ITM2C: variants seen among roughly 807,000 people sequenced by gnomAD.
The protein encoded by ITM2C is BRICHOS domain containing 2C.
ITM2C carries 20 observed loss-of-function variants against 30.0 expected under a neutral mutation model. The ratio of observed to expected loss-of-function variants is 0.67; its 90% CI spans 0.47 to 0.97. ITM2C has a LOEUF of 0.97. Ranked by LOEUF, ITM2C falls within the 50% of genes least tolerant of loss-of-function variation. The pLI, the probability that ITM2C is intolerant of heterozygous loss-of-function variation, is 0.00. For missense variants in ITM2C, 366 were observed against 371.9 expected (o/e 0.98, Z 0.13); for synonymous variants, 167 against 156.4 (o/e 1.07, Z -0.51).
rs760132646 is a variant in ITM2C, at chr2:230,875,627, G to A, written c.269G>A (p.Arg90Gln). ...YRYFFLAQLA[R>Q]DNFFRCGVLY... is the part of the protein sequence containing the mutation. ...TCTCTCCGCCTTGCTCAGCTGGCCCGAGATAACTTCTTCCGCTGTGGTGTG... is the reference window on the plus strand; with the variant it reads ...TCTCTCCGCCTTGCTCAGCTGGCCCAAGATAACTTCTTCCGCTGTGGTGTG... The change falls in exon 3 of 6, where the codon CGA becomes CAA. Residue 90 changes from arginine (R) to glutamine (Q), a missense_variant. Coordinates refer to ENST00000326427, the MANE Select transcript of ITM2C (RefSeq NM_030926.6). 65 of 1,602,030 alleles carry A rather than the reference G, an allele frequency of 4.1e-5. No individual in the cohort carries two copies. Among genetic ancestry groups the A allele is most frequent in the Non-Finnish European group, 4.9e-5 (58 of 1,173,440 alleles).
At chr2:230,864,846 G>T (rs1047765115), upstream of ITM2C, 1 of 705,200 alleles carries the variant, frequency 1.4e-6, no homozygotes. The surrounding 1 kb of genome is among the most constrained non-coding windows in gnomAD (Gnocchi z 4.3). Context: ...GGGGGCGCAG[G>T]CGCGGCGGGC....
At chr2:230,870,343 G>T (rs1237197015) in intron 1 of ITM2C, among the ~76,000 whole-genome samples, 1 of 152,244 alleles carries the variant, frequency 6.6e-6, no homozygotes, top group Non-Finnish European at 1.5e-5. Context: ...AGGGACATCT[G>T]CGCTTTCCTG....
At position 230,865,972 on chromosome 2, in the gene ITM2C, A is replaced by T. The variant is rs1016686539; in HGVS notation, c.120+827A>T. Among the ~76,000 whole-genome samples the T allele has an allele frequency of 7.8e-6, 1 of 128,588 alleles. No individual in the cohort carries two copies. Among genetic ancestry groups the T allele is most frequent in the African/African-American group, 3.5e-5 (1 of 28,412 alleles). The allele number at this position is 128,588 out of a possible 152,430, so 84.4% of individuals were successfully genotyped here. On this transcript the variant is annotated intron_variant, in intron 1 of 5. Transcript: ENST00000326427. The surrounding 1 kb of genome is among the most constrained non-coding windows in gnomAD (Gnocchi z 6.8). ...CTGTGCGCGTTCCCCCACCCCTGTCATCCCCCTCCCCTACCCCGGCTTCCT... is the reference window on the plus strand; with the variant it reads ...CTGTGCGCGTTCCCCCACCCCTGTCTTCCCCCTCCCCTACCCCGGCTTCCT...
chr2:230,873,310 C>A lies in ITM2C; in HGVS notation c.121-107C>A, dbSNP rs537331821. ...TGTCATCTCCTTCCCTCCCTTTCCC[C>A]CAAGACTCCCTCCGGGCCCAGCCAG... On this transcript the variant is annotated intron_variant, in intron 1 of 5. Coordinates refer to ENST00000326427, the MANE Select transcript of ITM2C (RefSeq NM_030926.6). 19 of 1,184,550 alleles carry A rather than the reference C, an allele frequency of 1.6e-5. 1 individual carries two copies. Among genetic ancestry groups the A allele is most frequent in the African/African-American group, 1.5e-4 (10 of 64,696 alleles). The allele number at this position is 1,184,550 out of a possible 1,614,324, so 73.4% of individuals were successfully genotyped here.
chr2:230,868,080 G>A (rs1281253330), intron 1 of ITM2C, among the ~76,000 whole-genome samples: 4 of 152,082 alleles, frequency 2.6e-5, no homozygotes, highest in Non-Finnish European at 4.4e-5. Flanking sequence ...GAGTGAGGGC[G>A]GGGTGGGGGC....
chr2:230,877,162 A>G lies in ITM2C; in HGVS notation c.561+195A>G, dbSNP rs966470558. On this transcript the variant is annotated intron_variant, in intron 4 of 5. Transcript: ENST00000326427. The surrounding 1 kb of genome is among the most constrained non-coding windows in gnomAD (Gnocchi z 4.8). Reference sequence around the variant, plus strand: ...CCCTGCTTCCACATCTCCAGAGTCAATGCCCCGAGACCGGCTTCCTTAGTG... The same window carrying G: ...CCCTGCTTCCACATCTCCAGAGTCAGTGCCCCGAGACCGGCTTCCTTAGTG... Among the ~76,000 whole-genome samples, 1 of 152,132 alleles carries G rather than the reference A, an allele frequency of 6.6e-6. No homozygotes were observed. The highest frequency in any genetic ancestry group is 2.1e-4 in the South Asian group (1 of 4,820).
At chr2:230,874,669 C>G (rs889064182) in intron 2 of ITM2C, among the ~76,000 whole-genome samples, 1 of 152,188 alleles carries the variant, frequency 6.6e-6, no homozygotes, top group South Asian at 2.1e-4. Flanking sequence ...CCCACAGGAG[C>G]CCCCCATGCT....
chr2:230,877,321 G>A lies in ITM2C; in HGVS notation c.562-79G>A, dbSNP rs1697328608. On this transcript the variant is annotated intron_variant, in intron 4 of 5. Coordinates refer to ENST00000326427, the MANE Select transcript of ITM2C (RefSeq NM_030926.6). The surrounding 1 kb of genome is among the most constrained non-coding windows in gnomAD (Gnocchi z 4.8). The stretch of plus-strand genomic sequence containing the variant: ...AGCCCAGGGGCCTCTGGAGGAGGGA[G>A]GTGGGCTGGCATTTCGGGCGAGGGG... 6.2e-6 allele frequency: 9 copies of A among 1,456,742 alleles called. No homozygotes were observed. Among genetic ancestry groups the A allele is most frequent in the Non-Finnish European group, 8.6e-6 (9 of 1,051,992 alleles). The allele number at this position is 1,456,742 out of a possible 1,614,324, so 90.2% of individuals were successfully genotyped here.
At chr2:230,868,544 A>G (rs3098329) in intron 1 of ITM2C, among the ~76,000 whole-genome samples, 59,627 of 151,962 alleles carry the variant, frequency 0.39, 13,459 homozygotes, top group East Asian at 0.84. Context: ...CTGGGGCTGT[A>G]AGGGGAGAAA....
Position 230,873,430 on chromosome 2 carries a change from C to A in ITM2C, c.134C>A (p.Pro45Gln), listed in dbSNP as rs139329073. 17 of 1,593,940 alleles carry A rather than the reference C, an allele frequency of 1.1e-5. No individual in the cohort carries two copies. The African/African-American group carries it at 2.0e-4, about 19-fold the overall frequency. The change falls in exon 2 of 6, where the codon CCA becomes CAA. Residue 45 changes from proline (P) to glutamine (Q), a missense_variant. Coordinates refer to ENST00000326427, the MANE Select transcript of ITM2C (RefSeq NM_030926.6). ...TGCTATCCACAGGAGGAGCAGCCCCCACAACATCGATCCAAGAGGGGGGGC... is the reference window on the plus strand; with the variant it reads ...TGCTATCCACAGGAGGAGCAGCCCCAACAACATCGATCCAAGAGGGGGGGC... Reference protein sequence around the residue: ...LLTPAREEQPPQHRSKRGGSV... With the variant: ...LLTPAREEQPQQHRSKRGGSV...
chr2:230,871,871 C>G (rs1021434516), intron 1 of ITM2C, among the ~76,000 whole-genome samples: 4 of 152,252 alleles, frequency 2.6e-5, no homozygotes, highest in Non-Finnish European at 5.9e-5. Context: ...GCCCAGGCCC[C>G]ACACTCCCCT....
Position 230,865,921 on chromosome 2 carries a change from GC to G in ITM2C, c.120+779del, listed in dbSNP as rs1447104258. 1.1e-4 allele frequency: 16 copies of G among 152,370 alleles called. No individual in the cohort carries two copies. The highest frequency in any genetic ancestry group is 1.9e-4 in the Non-Finnish European group (13 of 68,172). The allele number at this position is 152,370 out of a possible 1,614,324, so 9.4% of individuals were successfully genotyped here. A position where few individuals can be genotyped will look rare whatever the true frequency, so the allele number is the denominator to read the frequency against. On this transcript the variant is annotated intron_variant, in intron 1 of 5. Coordinates refer to ENST00000326427, the MANE Select transcript of ITM2C (RefSeq NM_030926.6). The surrounding 1 kb of genome is among the most constrained non-coding windows in gnomAD (Gnocchi z 6.8). ...GGGGAGGGCTCCCAACTGCCCCAGT[GC>G]CCTTGCATCCTGGGTCCCCGGGCTC... is the stretch of plus-strand genomic sequence containing the variant.
chr2:230,870,051 C>A (rs1269606190), intron 1 of ITM2C, among the ~76,000 whole-genome samples: 1 of 152,334 alleles, frequency 6.6e-6, no homozygotes, highest in South Asian at 2.1e-4. Flanking sequence ...GGAAGGTGGG[C>A]CATTCGGCCA....
chr2:230,872,344 G>T (rs181827256), intron 1 of ITM2C, among the ~76,000 whole-genome samples: 1 of 152,214 alleles, frequency 6.6e-6, no homozygotes, highest in Non-Finnish European at 1.5e-5. Flanking sequence ...GCAAGGGCCC[G>T]GGGGAAGGCA....
chr2:230,872,059 G>C (rs1697179801), intron 1 of ITM2C, among the ~76,000 whole-genome samples: 1 of 152,266 alleles, frequency 6.6e-6, no homozygotes, highest in Non-Finnish European at 1.5e-5. Context: ...TGGCCGGAAA[G>C]GGCCTGAGAG....
chr2:230,877,630 A>G lies in ITM2C; in HGVS notation c.712+80A>G. The G allele has an allele frequency of 2.0e-6, 3 of 1,471,216 alleles. No homozygotes were observed. Among genetic ancestry groups the G allele is most frequent in the Non-Finnish European group, 2.8e-6 (3 of 1,065,518 alleles). The allele number at this position is 1,471,216 out of a possible 1,614,324, so 91.1% of individuals were successfully genotyped here. ...TATCTTCACGCCTAGCCCAGCTGTC[A>G]GAGAGCTCAGATAGCAGCAGCAATA... On this transcript the variant is annotated intron_variant, in intron 5 of 5. Coordinates refer to ENST00000326427, the MANE Select transcript of ITM2C (RefSeq NM_030926.6). The surrounding 1 kb of genome is among the most constrained non-coding windows in gnomAD (Gnocchi z 4.8).
chr2:230,878,219 T>C lies in ITM2C; in HGVS notation c.*120T>C. ...TGGACGCGTTTCTATAGAGGTGACA[T>C]GTCTCTCCATTCCTCTCCAACCCTG... is the stretch of plus-strand genomic sequence containing the variant. On this transcript the variant is annotated 3_prime_UTR_variant, in exon 6 of 6. Transcript: ENST00000326427. This position sits in a 1 kb window ranked among gnomAD's most constrained non-coding sequence, Gnocchi z 4.5. 2 of 622,756 alleles carry C rather than the reference T, an allele frequency of 3.2e-6. No individual in the cohort carries two copies. The highest frequency in any genetic ancestry group is 3.3e-5 in the Admixed American group (1 of 29,884). The allele number at this position is 622,756 out of a possible 1,614,324, so 38.6% of individuals were successfully genotyped here.
At chr2:230,869,873 C>T (rs1380169484) in intron 1 of ITM2C, among the ~76,000 whole-genome samples, 2 of 151,860 alleles carry the variant, frequency 1.3e-5, no homozygotes, top group Non-Finnish European at 2.9e-5. Flanking sequence ...CCGGCTCATG[C>T]GCCCTTCGCT....
At chr2:230,870,681 G>T (rs962942544) in intron 1 of ITM2C, among the ~76,000 whole-genome samples, 6 of 152,166 alleles carry the variant, frequency 3.9e-5, no homozygotes, top group Non-Finnish European at 5.9e-5. Flanking sequence ...CCTCGGTGGG[G>T]CCTCCGAGCC....
Sources: gnomAD v4.1 joint callset for allele counts (sites outside exome capture counted in the v4.1 genomes callset) on GRCh38, gnomAD v4.1.1 for gene constraint, Gnocchi (gnomAD v3.1) non-coding constraint, MANE v1.5 for transcripts, NCBI Gene and HGNC (gene_info 2026-07-23, HGNC 2026-07-21) for gene names.